The following FAM135B variants were observed in gnomAD, a reference collection of about 807,000 sequenced individuals.
The protein encoded by FAM135B is protein FAM135B.
A neutral mutation model predicts 127.7 loss-of-function variants in FAM135B; 43 were observed. The ratio of observed to expected loss-of-function variants is 0.34; its 90% CI spans 0.26 to 0.43. FAM135B has a LOEUF of 0.43. Ranked by LOEUF, FAM135B falls within the 20% of genes least tolerant of loss-of-function variation. The probability of loss-of-function intolerance (pLI) is 1.00; values close to 1 mark genes in which losing one functional copy is unlikely to be tolerated. For missense variants in FAM135B, 1,558 were observed against 1,725.6 expected, an observed-to-expected ratio of 0.90 and a Z score of 1.72; for synonymous variants, 670 against 665.1, an observed-to-expected ratio of 1.01 and a Z score of -0.11.
intron 1 of FAM135B, among the ~76,000 whole-genome samples, chr8:138,399,179 G>T (rs1563969027): frequency 6.6e-6 from 1 of 151,954 alleles, no homozygotes; most frequent in East Asian, 1.9e-4. Context: ...TAGTGTCCTA[G>T]CTTCCTAGCT....
rs376267456 is a variant in FAM135B, at chr8:138,286,643, T to C, written c.158-20801A>G. On this transcript the variant is annotated intron_variant, in intron 3 of 19. Coordinates refer to ENST00000395297, the MANE Select transcript of FAM135B (RefSeq NM_015912.4). ...AGAATTTGTTGAGGCAAAGGAAGCA[T>C]TGCTCATGGACTAGAGGTGAGACAC... Among the ~76,000 whole-genome samples, 36 of 152,194 alleles carry C rather than the reference T, an allele frequency of 2.4e-4. 1 individual carries two copies. The highest frequency in any genetic ancestry group is 8.4e-4 in the African/African-American group (35 of 41,446).
chr8:138,387,920 C>A (rs1413229409), intron 1 of FAM135B, among the ~76,000 whole-genome samples: 3 of 152,130 alleles, frequency 2.0e-5, no homozygotes, highest in Non-Finnish European at 4.4e-5. Flanking sequence ...TCTCTGGTTA[C>A]AAAATCCCAT....
At chr8:138,269,521 T>A (rs1823203688) in intron 3 of FAM135B, among the ~76,000 whole-genome samples, 1 of 152,218 alleles carries the variant, frequency 6.6e-6, no homozygotes, top group Non-Finnish European at 1.5e-5. Context: ...ACTGTGTGAA[T>A]TCCTTTAAAC....
chr8:138,303,793 C>T (rs900632508), intron 3 of FAM135B, among the ~76,000 whole-genome samples: 2 of 152,118 alleles, frequency 1.3e-5, no homozygotes, highest in Admixed American at 6.5e-5. Context: ...GGAAATCTAT[C>T]GAGTACCCAC....
intron 1 of FAM135B, among the ~76,000 whole-genome samples, chr8:138,468,975 C>T (rs1425669300): frequency 1.3e-5 from 2 of 151,822 alleles, no homozygotes; most frequent in East Asian, 1.9e-4. Context: ...AACCAGGAGG[C>T]GGAGGTTGCA....
chr8:138,385,359 G>A (rs148999254), intron 1 of FAM135B, among the ~76,000 whole-genome samples: 136 of 152,140 alleles, frequency 8.9e-4, no homozygotes, highest in African/African-American at 3.0e-3. Flanking sequence ...GCTGCACCTC[G>A]TTTGTCCCTG....
chr8:138,351,269 A>C (rs1271196763), intron 2 of FAM135B, among the ~76,000 whole-genome samples: 1 of 152,068 alleles, frequency 6.6e-6, no homozygotes, highest in Non-Finnish European at 1.5e-5. Context: ...GAGTCTAAGA[A>C]AGCCCAATAG....
At chr8:138,166,904 C>T (rs1205098811) in intron 12 of FAM135B, among the ~76,000 whole-genome samples, 1 of 152,138 alleles carries the variant, frequency 6.6e-6, no homozygotes, top group African/African-American at 2.4e-5. Context: ...TGCTTCCATA[C>T]TTTACCCTTT....
chr8:138,407,913 T>G (rs1306515813), intron 1 of FAM135B, among the ~76,000 whole-genome samples: 1 of 151,954 alleles, frequency 6.6e-6, no homozygotes, highest in Non-Finnish European at 1.5e-5. Context: ...CAAATGGGAG[T>G]AGTAATATTC....
chr8:138,416,998 C>A (rs1834199665), intron 1 of FAM135B, among the ~76,000 whole-genome samples: 1 of 152,148 alleles, frequency 6.6e-6, no homozygotes, highest in Non-Finnish European at 1.5e-5. Flanking sequence ...CCCCGATGGA[C>A]ATTTAAGCTG....
intron 9 of FAM135B, among the ~76,000 whole-genome samples, chr8:138,191,894 C>A (rs1379194735): frequency 6.6e-6 from 1 of 152,188 alleles, no homozygotes; most frequent in Non-Finnish European, 1.5e-5. Context: ...GCATTTACTG[C>A]ACAGGGCCAG....
intron 2 of FAM135B, among the ~76,000 whole-genome samples, chr8:138,328,493 A>C (rs895309173): frequency 3.9e-5 from 6 of 152,186 alleles, no homozygotes; most frequent in Non-Finnish European, 5.9e-5. Context: ...GTGGAGGAAC[A>C]GCTTGGGGAA....
chr8:138,477,259 C>T (rs945087880), intron 1 of FAM135B: 13 of 152,218 alleles, frequency 8.5e-5, no homozygotes, highest in African/African-American at 3.1e-4. Flanking sequence ...AAACTATTCA[C>T]ATTTGCCAGC....
intron 1 of FAM135B, among the ~76,000 whole-genome samples, chr8:138,447,935 C>G (rs1221262074): frequency 6.6e-6 from 1 of 151,494 alleles, no homozygotes; most frequent in African/African-American, 2.4e-5. Flanking sequence ...CATACGTGAC[C>G]ATACTCTTTA....
intron 6 of FAM135B, among the ~76,000 whole-genome samples, chr8:138,250,232 A>T (rs967366571): frequency 3.9e-5 from 6 of 152,156 alleles, no homozygotes; most frequent in Admixed American, 6.5e-5. Context: ...GGGTGCCTGT[A>T]ATCCCAGCCA....
In FAM135B at chr8:138,429,669, A is replaced by C. The variant is rs181287068; in HGVS notation, c.-19-61667T>G. Among the ~76,000 whole-genome samples, 10 of 152,286 alleles carry C rather than the reference A, an allele frequency of 6.6e-5. No individual in the cohort carries two copies. The East Asian group carries it at 1.9e-3, about 29-fold the overall frequency. On this transcript the variant is annotated intron_variant, in intron 1 of 19. Transcript: ENST00000395297. The stretch of plus-strand genomic sequence containing the variant: ...GACTACTTGCAAATCCAATATGATG[A>C]CTGTGTTTTGTCTTAAGCTGGGTTA...
At position 138,152,803 on chromosome 8, in the gene FAM135B, A is replaced by G. The variant is rs566732268; in HGVS notation, c.1672T>C (p.Ser558Pro). The G allele has an allele frequency of 1.2e-6, 2 of 1,614,098 alleles. No individual in the cohort carries two copies. Among genetic ancestry groups the G allele is most frequent in the South Asian group, 2.2e-5 (2 of 91,080 alleles). The part of the protein sequence containing the change: ...APVLTYIDVK[S>P]SNKNPSRAEP... ...GCTCTGGAGGGGTTCTTATTGCTAGATTTTACGTCAATGTAGGTCAGCACT... is the reference window on the plus strand; with the variant it reads ...GCTCTGGAGGGGTTCTTATTGCTAGGTTTTACGTCAATGTAGGTCAGCACT... Residue 558 changes from serine to proline, a missense_variant, in exon 13 of 20, where the codon TCT becomes CCT. This residue lies in a region of FAM135B where 923 missense variants were observed against 865.3 expected (regional missense o/e 1.07). Coordinates refer to ENST00000395297, the MANE Select transcript of FAM135B (RefSeq NM_015912.4).
At chr8:138,442,237 C>CATATATATATATATATATAT (rs759993575) in intron 1 of FAM135B, among the ~76,000 whole-genome samples, 3 of 51,912 alleles carry the variant, frequency 5.8e-5, no homozygotes, top group Admixed American at 3.2e-4. Context: ...ATATGGACAC[C>CATATATATATATATATATAT]ATATATATAT....
intron 8 of FAM135B, among the ~76,000 whole-genome samples, chr8:138,197,241 A>T (rs7461659): frequency 6.6e-6 from 1 of 152,188 alleles, no homozygotes; most frequent in Non-Finnish European, 1.5e-5. Context: ...AAAATTATGC[A>T]GTGGAGTGGC....
Sources: allele counts gnomAD v4.1 joint callset (sites outside exome capture counted in the v4.1 genomes callset), GRCh38; gene constraint gnomAD v4.1.1; regional missense constraint gnomAD v4.1.1; transcripts MANE v1.5; gene names NCBI Gene and HGNC (gene_info 2026-07-23, HGNC 2026-07-21).